KAZN: variants seen among roughly 807,000 people sequenced by gnomAD.
KAZN encodes kazrin.
KAZN carries 40 observed loss-of-function variants against 87.4 expected under a neutral mutation model. The ratio of observed to expected loss-of-function variants is 0.46; its 90% CI spans 0.36 to 0.60. The LOEUF (loss-of-function observed/expected upper bound fraction) is 0.60, where lower values mean the gene tolerates loss of function less well. Ranked by LOEUF, KAZN falls within the 20% of genes least tolerant of loss-of-function variation. KAZN has a pLI of 0.00. For missense variants in KAZN, 898 were observed against 1,073.9 expected (o/e 0.84, Z 2.29); for synonymous variants, 466 against 458.3 (o/e 1.02, Z -0.22).
intron 1 of KAZN, among the ~76,000 whole-genome samples, chr1:14,740,264 C>T (rs1339854734): frequency 6.6e-6 from 1 of 152,214 alleles, no homozygotes; most frequent in South Asian, 2.1e-4. Context: ...GTGCGGGGAG[C>T]TGCAATCCCA....
chr1:14,407,043 TTTGC>T lies in KAZN; in HGVS notation c.250-191936_250-191933del, dbSNP rs1370340286. 5.3e-5 allele frequency among the ~76,000 whole-genome samples: 8 copies of T among 152,332 alleles called. No homozygotes were observed. In the East Asian group the frequency reaches 7.7e-4, roughly 15 times the overall value. On this transcript the variant is annotated intron_variant, in intron 2 of 16. Transcript: ENST00000636203. ...AGTACCCCCAAAATAGATCACTTAG[TTTGC>T]TTGTTTTCATGCTTTATAAAAATGG...
At chr1:14,834,786 T>C (rs1647171551) in intron 1 of KAZN, among the ~76,000 whole-genome samples, 2 of 151,776 alleles carry the variant, frequency 1.3e-5, no homozygotes, top group Admixed American at 6.6e-5. Context: ...CCTACCCTGA[T>C]GGAGCTTGGA....
chr1:15,101,670 A>G lies in KAZN; in HGVS notation c.1675A>G (p.Met559Val). 5 of 1,589,778 alleles carry G rather than the reference A, an allele frequency of 3.1e-6. No individual in the cohort carries two copies. The highest frequency in any genetic ancestry group is 3.4e-6 in the Non-Finnish European group (4 of 1,167,808). ...LVDGRMLNSL[M>V]KRDLEKHLNV... ...TGATGGGCGGATGCTGAATTCCCTG[A>G]TGAAGCGAGACCTGGAGAAGCACCT... Residue 559 changes from methionine to valine, a missense_variant, in exon 11 of 15, where the codon ATG becomes GTG. Physicochemically the swap from Met to Val is conservative, Grantham distance 21. Around this residue, in one of 3 missense-constraint regions of KAZN, gnomAD observed 521 missense variants for 689.4 expected, o/e 0.76. Coordinates refer to ENST00000376030, the MANE Select transcript of KAZN (RefSeq NM_201628.3).
intron 2 of KAZN, among the ~76,000 whole-genome samples, chr1:14,306,037 C>G (rs981532541): frequency 6.6e-6 from 1 of 152,148 alleles, no homozygotes; most frequent in African/African-American, 2.4e-5. Flanking sequence ...GCCTCCTCCC[C>G]AGTCCAGGGA....
chr1:13,984,891 A>C (rs1381226705), intron 1 of KAZN, among the ~76,000 whole-genome samples: 2 of 152,162 alleles, frequency 1.3e-5, no homozygotes, highest in Non-Finnish European at 2.9e-5. Flanking sequence ...TGCAACTGTC[A>C]CCACAATCAA....
chr1:14,518,187 T>TC (rs1355055741), intron 2 of KAZN, among the ~76,000 whole-genome samples: 1 of 147,866 alleles, frequency 6.8e-6, no homozygotes, highest in Non-Finnish European at 1.5e-5. Flanking sequence ...GCTTTTTTTT[T>TC]TTTTTTTTTT....
intron 1 of KAZN, among the ~76,000 whole-genome samples, chr1:14,093,456 G>T (rs1001571864): frequency 6.6e-6 from 1 of 152,150 alleles, no homozygotes; most frequent in Non-Finnish European, 1.5e-5. Flanking sequence ...CTTTTTAATA[G>T]AATATGCTAA....
chr1:14,802,959 C>T (rs1422335130), intron 1 of KAZN, among the ~76,000 whole-genome samples: 2 of 152,174 alleles, frequency 1.3e-5, no homozygotes, highest in Non-Finnish European at 2.9e-5. Context: ...CCTACCTCTC[C>T]GAGCCTGATT....
intron 1 of KAZN, among the ~76,000 whole-genome samples, chr1:14,882,405 G>A (rs1043890270): frequency 1.3e-5 from 2 of 152,182 alleles, no homozygotes; most frequent in African/African-American, 4.8e-5. Context: ...CTCACCTGGG[G>A]CAAGTTGTTT....
intron 1 of KAZN, among the ~76,000 whole-genome samples, chr1:14,697,694 A>G (rs1328000694): frequency 6.6e-6 from 1 of 152,220 alleles, no homozygotes; most frequent in Non-Finnish European, 1.5e-5. Flanking sequence ...ATTGGTTTAA[A>G]GGGGCCTAGA....
intron 2 of KAZN, among the ~76,000 whole-genome samples, chr1:15,005,647 A>T (rs1278067292): frequency 1.3e-5 from 2 of 151,916 alleles, no homozygotes; most frequent in African/African-American, 4.8e-5. Context: ...AAATAACTAG[A>T]CATAGTGGCA....
At chr1:14,187,480 A>G (rs989884241) in intron 2 of KAZN, among the ~76,000 whole-genome samples, 1 of 152,168 alleles carries the variant, frequency 6.6e-6, no homozygotes, top group Admixed American at 6.5e-5. Flanking sequence ...CATGATGTCT[A>G]CTGTGATGTT....
intron 2 of KAZN, among the ~76,000 whole-genome samples, chr1:14,450,314 C>T (rs1427688961): frequency 2.6e-5 from 4 of 152,160 alleles, no homozygotes; most frequent in East Asian, 1.9e-4. Context: ...TGTGTCTGGG[C>T]GCAGTGGCTC....
chr1:14,329,552 T>C (rs1331472881), intron 2 of KAZN, among the ~76,000 whole-genome samples: 2 of 152,190 alleles, frequency 1.3e-5, no homozygotes, highest in Admixed American at 6.5e-5. Flanking sequence ...TTGGATGATC[T>C]GGGAAGAGCA....
chr1:14,798,047 A>C (rs763026377), intron 1 of KAZN, among the ~76,000 whole-genome samples: 33 of 152,130 alleles, frequency 2.2e-4, no homozygotes, highest in Non-Finnish European at 3.8e-4. Context: ...AGGCACAGAG[A>C]GGTTAAGAAA....
At chr1:14,557,629 G>GTGTGT (rs1673971745) in intron 2 of KAZN, among the ~76,000 whole-genome samples, 117 of 137,934 alleles carry the variant, frequency 8.5e-4, no homozygotes, top group Non-Finnish European at 9.3e-4. Context: ...GGTGTGTGTG[G>GTGTGT]GTGTGTGTGT....
At chr1:14,334,523 A>G (rs1039511785) in intron 2 of KAZN, among the ~76,000 whole-genome samples, 14 of 152,134 alleles carry the variant, frequency 9.2e-5, no homozygotes, top group Non-Finnish European at 1.8e-4. Flanking sequence ...AAGGACTTTC[A>G]CTTTCACGCT....
intron 13 of KAZN, among the ~76,000 whole-genome samples, chr1:15,111,116 A>T (rs746407594): frequency 1.3e-5 from 2 of 152,008 alleles, no homozygotes; most frequent in Non-Finnish European, 2.9e-5. Context: ...AGCCTGTGGA[A>T]CCCAAGAGTT....
At chr1:14,931,879 A>G (rs1557633685) in intron 1 of KAZN, among the ~76,000 whole-genome samples, 2 of 152,138 alleles carry the variant, frequency 1.3e-5, no homozygotes, top group Non-Finnish European at 1.5e-5. Flanking sequence ...ATGGACATCT[A>G]AGTTAAATCT....
Sources: gnomAD v4.1 joint callset for allele counts (sites outside exome capture counted in the v4.1 genomes callset) on GRCh38, gnomAD v4.1.1 for gene constraint, gnomAD v4.1.1 regional missense constraint, MANE v1.5 for transcripts, NCBI Gene and HGNC (gene_info 2026-07-23, HGNC 2026-07-21) for gene names.